Variants in STYXL1 observed in about 807,000 individuals in gnomAD.
STYXL1 encodes serine/threonine/tyrosine interacting like 1, also known as serine/threonine/tyrosine-interacting-like protein 1.
STYXL1 carries 32 observed loss-of-function variants against 36.4 expected under a neutral mutation model. That is an observed-to-expected ratio of 0.88 (90% CI 0.66 to 1.18). STYXL1 has a LOEUF of 1.18. Ranked by LOEUF, STYXL1 falls within the 50% of genes most tolerant of loss-of-function variation. The pLI, the probability that STYXL1 is intolerant of heterozygous loss-of-function variation, is 0.00. For missense variants in STYXL1, 354 were observed against 394.1 expected (o/e 0.90, Z 0.86); for synonymous variants, 133 against 144.1 (o/e 0.92, Z 0.55).
chr7:76,019,090 A>C (rs1281889191), intron 4 of STYXL1, among the ~76,000 whole-genome samples: 3 of 152,168 alleles, frequency 2.0e-5, no homozygotes, highest in Non-Finnish European at 4.4e-5. Context: ...GATCTGCAGA[A>C]TCACAATCAG....
At chr7:76,016,080 A>T (rs1441206831) in intron 4 of STYXL1, among the ~76,000 whole-genome samples, 2 of 152,106 alleles carry the variant, frequency 1.3e-5, no homozygotes, top group Non-Finnish European at 2.9e-5. Context: ...TCCCATATAT[A>T]TAGATACACA....
In STYXL1 at chr7:76,032,644, G is replaced by C. The variant is rs13245358; in HGVS notation, c.-4-2117C>G. Among the ~76,000 whole-genome samples the C allele has an allele frequency of 9.2e-5, 14 of 152,334 alleles. No homozygotes were observed. In the East Asian group the frequency reaches 2.1e-3, roughly 23 times the overall value. ...TTGAACCTGGGAGGCAGAGGTTGCA[G>C]TGAGCTGAGACTGCACTACTGCACT... On this transcript the variant is annotated intron_variant, in intron 1 of 8. Coordinates refer to ENST00000359697, the MANE Select transcript of STYXL1 (RefSeq NM_001317785.2).
chr7:76,039,109 T>C (rs1796232689), intron 1 of STYXL1, among the ~76,000 whole-genome samples: 1 of 149,150 alleles, frequency 6.7e-6, no homozygotes. Context: ...AGCTAACTTT[T>C]GTATTTTTAG....
chr7:76,039,904 C>T (rs1796319734), intron 1 of STYXL1, among the ~76,000 whole-genome samples: 1 of 152,190 alleles, frequency 6.6e-6, no homozygotes, highest in Non-Finnish European at 1.5e-5. Flanking sequence ...GCCTCAACTT[C>T]CCAAAGTGCT....
chr7:76,029,625 T>A (rs563980342), intron 2 of STYXL1, among the ~76,000 whole-genome samples: 1 of 152,306 alleles, frequency 6.6e-6, no homozygotes, highest in Admixed American at 6.5e-5. Flanking sequence ...TAATATATAA[T>A]GAAATAATTC....
chr7:76,025,279 G>A (rs1283984659), intron 3 of STYXL1, among the ~76,000 whole-genome samples: 2 of 150,902 alleles, frequency 1.3e-5, no homozygotes, highest in Admixed American at 6.6e-5. Context: ...CAGCCTGGGC[G>A]ACAAGAGCAA....
chr7:76,043,173 G>A (rs904283938), intron 1 of STYXL1, among the ~76,000 whole-genome samples: 10 of 152,040 alleles, frequency 6.6e-5, no homozygotes, highest in African/African-American at 2.4e-4. Context: ...ATGGAGTCAC[G>A]CTCTGTTGCC....
chr7:76,000,016 C>T (rs1790677318), intron 8 of STYXL1, among the ~76,000 whole-genome samples: 1 of 150,350 alleles, frequency 6.7e-6, no homozygotes, highest in African/African-American at 2.4e-5. Flanking sequence ...GATGGTGAAA[C>T]CCTGTCTCTA....
chr7:76,023,498 G>C (rs782347379), intron 3 of STYXL1, among the ~76,000 whole-genome samples: 4 of 151,942 alleles, frequency 2.6e-5, no homozygotes, highest in Non-Finnish European at 5.9e-5. Context: ...TGAGTAGCTG[G>C]GACCACGGGC....
chr7:76,023,359 G>A (rs528010966), intron 3 of STYXL1, among the ~76,000 whole-genome samples: 6 of 152,052 alleles, frequency 3.9e-5, no homozygotes, highest in African/African-American at 9.6e-5. Flanking sequence ...TGTGGCCAGC[G>A]TTCTGGATAT....
intron 5 of STYXL1, among the ~76,000 whole-genome samples, chr7:76,012,184 C>G (rs551721648): frequency 6.6e-6 from 1 of 152,258 alleles, no homozygotes; most frequent in African/African-American, 2.4e-5. Flanking sequence ...ACTGCCCAGG[C>G]TGGTCTTGAA....
intron 4 of STYXL1, among the ~76,000 whole-genome samples, chr7:76,020,139 T>C (rs1450990429): frequency 1.3e-5 from 2 of 152,176 alleles, no homozygotes; most frequent in Non-Finnish European, 2.9e-5. Flanking sequence ...ATTATCCATG[T>C]TGAGTACCAT....
chr7:76,029,679 G>A (rs553947257), intron 2 of STYXL1, among the ~76,000 whole-genome samples: 1 of 149,192 alleles, frequency 6.7e-6, no homozygotes, highest in Non-Finnish European at 1.5e-5. Context: ...TTGTTTTCCT[G>A]TGACTAGACG....
chr7:76,003,719 C>T (rs1554568813), intron 7 of STYXL1, 39 bp downstream of exon 7: 2 of 1,592,900 alleles, frequency 1.3e-6, no homozygotes, highest in South Asian at 1.1e-5. Context: ...GCTTCCCAGA[C>T]ACAGGCCAGT....
intron 8 of STYXL1, among the ~76,000 whole-genome samples, chr7:75,999,501 GTGTGTGTGTA>G (rs1446853712): frequency 7.9e-4 from 65 of 82,116 alleles, no homozygotes; most frequent in Middle Eastern, 4.6e-3. Flanking sequence ...TTGTGTGTGT[GTGTGTGTGTA>G]TGTGTGTGTG....
chr7:76,033,095 A>G (rs149999241), intron 1 of STYXL1, among the ~76,000 whole-genome samples: 7 of 152,148 alleles, frequency 4.6e-5, no homozygotes, highest in African/African-American at 1.4e-4. Flanking sequence ...TCCTGGGCCC[A>G]ATTGTTTCTG....
At chr7:76,040,408 G>T (rs537369573) in intron 1 of STYXL1, among the ~76,000 whole-genome samples, 1 of 152,136 alleles carries the variant, frequency 6.6e-6, no homozygotes, top group Admixed American at 6.5e-5. Flanking sequence ...CACAATCAGC[G>T]ACTCTCAGCT....
At chr7:76,011,680 C>T (rs1792566327) in intron 5 of STYXL1, among the ~76,000 whole-genome samples, 1 of 152,240 alleles carries the variant, frequency 6.6e-6, no homozygotes, top group Non-Finnish European at 1.5e-5. Flanking sequence ...GTACACGGCA[C>T]TCTCCAGGGA....
Position 76,021,887 on chromosome 7 carries a change from C to T in STYXL1, c.271G>A (p.Asp91Asn), listed in dbSNP as rs782227909. Residue 91 changes from aspartate to asparagine, a missense_variant, in exon 4 of 9, where the codon GAT becomes AAT. Transcript: ENST00000359697. ...SSTLEILLKDDDDDSDSDGDG... is the reference protein window; with the variant it reads ...SSTLEILLKDNDDDSDSDGDG... ...CCATCAGAGTCTGAATCATCATCAT[C>T]ATCTTTTAAGAGTATCTCCAGGGTG... The T allele has an allele frequency of 8.1e-6, 13 of 1,613,692 alleles. No individual in the cohort carries two copies. In the East Asian group the frequency reaches 2.2e-4, roughly 28 times the overall value.
Sources: allele counts gnomAD v4.1 joint callset (sites outside exome capture counted in the v4.1 genomes callset), GRCh38; gene constraint gnomAD v4.1.1; transcripts MANE v1.5; gene names NCBI Gene and HGNC (gene_info 2026-07-23, HGNC 2026-07-21).